The following PMS1 variants were observed in gnomAD, a reference collection of about 807,000 sequenced individuals.
The protein encoded by PMS1 is PMS1 homolog 1, mismatch repair system component.
PMS1 carries 79 observed loss-of-function variants against 93.1 expected under a neutral mutation model. The observed-to-expected ratio is 0.85, with a 90% CI of 0.71 to 1.02. The LOEUF is 1.02. Among genes scored for constraint, PMS1 ranks in the 50% least tolerant of loss-of-function variants. PMS1 has a pLI of 0.00. For synonymous variants in PMS1, 335 were observed against 363.4 expected, an observed-to-expected ratio of 0.92 and a Z score of 0.89; for missense variants, 1,064 against 1,085.3, an observed-to-expected ratio of 0.98 and a Z score of 0.28.
chr2:189,838,256 T>TA (rs1204919507), intron 5 of PMS1, among the ~76,000 whole-genome samples: 1 of 152,162 alleles, frequency 6.6e-6, no homozygotes, highest in African/African-American at 2.4e-5. Context: ...TTTTAACAGG[T>TA]ATGGTGGTGT....
chr2:189,791,289 A>G (rs115887713), intron 1 of PMS1, among the ~76,000 whole-genome samples: 5,375 of 152,218 alleles, frequency 0.035, 108 homozygotes, highest in South Asian at 0.07. Context: ...AATTGAGGTG[A>G]TAATGGCACC....
At chr2:189,798,996 G>A (rs1405964381) in intron 3 of PMS1, among the ~76,000 whole-genome samples, 1 of 152,070 alleles carries the variant, frequency 6.6e-6, no homozygotes, top group Non-Finnish European at 1.5e-5. Context: ...CTTCACTGTA[G>A]TTCTGAGTTT....
At chr2:189,836,332 A>G (rs530409022) in intron 5 of PMS1, among the ~76,000 whole-genome samples, 14 of 152,354 alleles carry the variant, frequency 9.2e-5, no homozygotes, top group Admixed American at 7.2e-4. Flanking sequence ...CTGTCATCAT[A>G]CTGACTAGAG....
At chr2:189,854,147 A>G in intron 8 of PMS1, 65 bp downstream of exon 8, 1 of 1,388,308 alleles carries the variant, frequency 7.2e-7, no homozygotes, top group Non-Finnish European at 9.8e-7. Flanking sequence ...TTTCATATAA[A>G]AAGATTTGTT....
rs1446539220 is a variant in PMS1 at position 189,873,641 on chromosome 2, G to A, written c.2619G>A (p.Val873=). The part of the protein sequence containing the change: ...KEVYECRPRK[V]ISYLEGEAVR... ...TTTATGAATGTAGACCTCGCAAAGT[G>A]ATAAGTTATTTAGAGGTACGCATTA... Residue 873 remains valine, a synonymous_variant, in exon 12 of 13, where the codon GTG becomes GTA. Coordinates refer to ENST00000441310, the MANE Select transcript of PMS1 (RefSeq NM_000534.5). 54 of 1,605,220 alleles carry A rather than the reference G, an allele frequency of 3.4e-5. No homozygotes were observed. Among genetic ancestry groups the A allele is most frequent in the Non-Finnish European group, 4.5e-5 (53 of 1,172,318 alleles).
At chr2:189,823,259 T>C (rs1221146324) in intron 5 of PMS1, among the ~76,000 whole-genome samples, 2 of 152,094 alleles carry the variant, frequency 1.3e-5, no homozygotes, top group Admixed American at 6.5e-5. Context: ...TTAGATTTTA[T>C]TTTTATTTTT....
At chr2:189,861,609 G>C (rs963602936) in intron 9 of PMS1, among the ~76,000 whole-genome samples, 1 of 151,626 alleles carries the variant, frequency 6.6e-6, no homozygotes, top group Admixed American at 6.6e-5. Flanking sequence ...ATTAGCCAGG[G>C]GTGGTGGTGC....
chr2:189,854,100 A>T lies in PMS1; in HGVS notation c.966+18A>T. On this transcript the variant is annotated intron_variant, in intron 8 of 12. Transcript: ENST00000441310. Reference sequence around the variant, plus strand: ...AAAATAAGGTAACTCTTTTCAGATAATTTTTTCTTATGCTATTTATAAACA... The same window carrying T: ...AAAATAAGGTAACTCTTTTCAGATATTTTTTTCTTATGCTATTTATAAACA... 1 of 1,538,662 alleles carries T rather than the reference A, an allele frequency of 6.5e-7. No homozygotes were observed. Among genetic ancestry groups the T allele is most frequent in the Non-Finnish European group, 8.9e-7 (1 of 1,123,638 alleles).
intron 5 of PMS1, among the ~76,000 whole-genome samples, chr2:189,836,634 G>T (rs2106389355): frequency 6.6e-6 from 1 of 152,298 alleles, no homozygotes; most frequent in East Asian, 1.9e-4. Flanking sequence ...TTTTGAAAAT[G>T]AATCTTAGTT....
chr2:189,859,823 T>TA (rs960844747), intron 9 of PMS1, among the ~76,000 whole-genome samples: 1 of 152,142 alleles, frequency 6.6e-6, no homozygotes, highest in African/African-American at 2.4e-5. Flanking sequence ...AAATGAGAAT[T>TA]AAAAAAACTA....
At chr2:189,817,306 A>G (rs949371997) in intron 4 of PMS1, among the ~76,000 whole-genome samples, 1 of 152,230 alleles carries the variant, frequency 6.6e-6, no homozygotes, top group Non-Finnish European at 1.5e-5. Flanking sequence ...TGATTTCATA[A>G]CTCAGATTAA....
chr2:189,825,294 G>A (rs1164571949), intron 5 of PMS1, among the ~76,000 whole-genome samples: 1 of 152,142 alleles, frequency 6.6e-6, no homozygotes, highest in Non-Finnish European at 1.5e-5. Flanking sequence ...TGGATTCAGT[G>A]AGTTTATTTA....
chr2:189,862,418 C>G (rs1181768667), intron 9 of PMS1, among the ~76,000 whole-genome samples: 1 of 151,946 alleles, frequency 6.6e-6, no homozygotes, highest in Non-Finnish European at 1.5e-5. Context: ...TTTATTAAAC[C>G]TGTTTTTAAG....
At chr2:189,827,759 C>T (rs988606223) in intron 5 of PMS1, among the ~76,000 whole-genome samples, 2 of 151,812 alleles carry the variant, frequency 1.3e-5, no homozygotes, top group African/African-American at 4.8e-5. Context: ...AGACAAATAC[C>T]ACATGATCTC....
At chr2:189,789,919 A>AC (rs1358241278) in intron 1 of PMS1, among the ~76,000 whole-genome samples, 2 of 151,638 alleles carry the variant, frequency 1.3e-5, no homozygotes, top group Non-Finnish European at 2.9e-5. Flanking sequence ...TGCAAAAAGC[A>AC]CCCCCCTCCC....
intron 3 of PMS1, among the ~76,000 whole-genome samples, chr2:189,801,143 C>T (rs940331445): frequency 6.6e-6 from 1 of 152,202 alleles, no homozygotes; most frequent in Non-Finnish European, 1.5e-5. Context: ...CAGGCAGGAG[C>T]CACTGTGCCC....
At chr2:189,860,614 AGTTAG>A (rs1326440573) in intron 9 of PMS1, among the ~76,000 whole-genome samples, 1 of 151,924 alleles carries the variant, frequency 6.6e-6, no homozygotes, top group Non-Finnish European at 1.5e-5. Flanking sequence ...GAAAATGCTA[AGTTAG>A]ATTTCAATCT....
chr2:189,837,457 G>A (rs1300278625), intron 5 of PMS1, among the ~76,000 whole-genome samples: 1 of 152,086 alleles, frequency 6.6e-6, no homozygotes, highest in African/African-American at 2.4e-5. Flanking sequence ...ATGAAGCAGG[G>A]GACATTTCAT....
At position 189,791,895 on chromosome 2, in the gene PMS1, T is replaced by G; in HGVS notation, c.86T>G (p.Ile29Ser). The G allele has an allele frequency of 6.2e-7, 1 of 1,614,070 alleles. No individual in the cohort carries two copies. The highest frequency in any genetic ancestry group is 8.5e-7 in the Non-Finnish European group (1 of 1,179,906). The change falls in exon 2 of 13, where the codon ATT (isoleucine) becomes AGT (serine). Residue 29 changes from isoleucine (I) to serine (S), a missense_variant. Ile to Ser is a moderately radical substitution (Grantham distance 142). Coordinates refer to ENST00000441310, the MANE Select transcript of PMS1 (RefSeq NM_000534.5). ...GTGGTCAGTGTTGTAAAAGAGCTTA[T>G]TGAAAACTCCTTGGATGCTGGTGCC... ...TSVVSVVKELIENSLDAGATS... is the reference protein window; with the variant it reads ...TSVVSVVKELSENSLDAGATS...
Sources: allele counts gnomAD v4.1 joint callset (sites outside exome capture counted in the v4.1 genomes callset), GRCh38; gene constraint gnomAD v4.1.1; transcripts MANE v1.5; gene names NCBI Gene and HGNC (gene_info 2026-07-23, HGNC 2026-07-21).